PTPRD: variants seen among roughly 807,000 people sequenced by gnomAD.
The protein encoded by PTPRD is protein tyrosine phosphatase receptor type D, also known as receptor-type tyrosine-protein phosphatase delta.
A neutral mutation model predicts 214.5 loss-of-function variants in PTPRD; 34 were observed. The observed-to-expected ratio is 0.16, with a 90% CI of 0.12 to 0.21. The LOEUF is 0.21. PTPRD is among the 10% of genes least tolerant of loss of function. The pLI, the probability that PTPRD is intolerant of heterozygous loss-of-function variation, is 1.00. For synonymous variants in PTPRD, 1,128 were observed against 845.7 expected (o/e 1.33, Z -5.79); for missense variants, 2,545 against 2,398.7 (o/e 1.06, Z -1.27).
chr9:10,477,151 G>C (rs990213313), intron 2 of PTPRD, among the ~76,000 whole-genome samples: 4 of 152,074 alleles, frequency 2.6e-5, no homozygotes, highest in African/African-American at 7.2e-5. Context: ...TTAAACTAAA[G>C]AGCTTCTGCA....
intron 10 of PTPRD, among the ~76,000 whole-genome samples, chr9:9,067,185 G>A (rs1183901530): frequency 6.6e-6 from 1 of 152,170 alleles, no homozygotes. Context: ...AGCCTAGATA[G>A]CACCATTGCA....
At chr9:10,289,646 C>T (rs2095472574) in intron 3 of PTPRD, among the ~76,000 whole-genome samples, 1 of 152,116 alleles carries the variant, frequency 6.6e-6, no homozygotes, top group African/African-American at 2.4e-5. Flanking sequence ...CTTCTAATAT[C>T]GGAAGGTTCT....
At chr9:10,189,659 A>C (rs1202360214) in intron 3 of PTPRD, among the ~76,000 whole-genome samples, 2 of 152,194 alleles carry the variant, frequency 1.3e-5, no homozygotes, top group African/African-American at 2.4e-5. Context: ...AGAAAGCAGT[A>C]ATGAAGAAAG....
intron 2 of PTPRD, among the ~76,000 whole-genome samples, chr9:10,581,434 C>T (rs113880961): frequency 6.6e-6 from 1 of 152,234 alleles, no homozygotes; most frequent in Non-Finnish European, 1.5e-5. Flanking sequence ...CAATTTAAAC[C>T]TTCTCTTTCA....
At chr9:9,874,711 T>C (rs1386151799) in intron 5 of PTPRD, among the ~76,000 whole-genome samples, 1 of 152,180 alleles carries the variant, frequency 6.6e-6, no homozygotes, top group Non-Finnish European at 1.5e-5. Flanking sequence ...GATTTATTTA[T>C]TACTCAGCAC....
intron 3 of PTPRD, among the ~76,000 whole-genome samples, chr9:10,159,207 T>C (rs943088603): frequency 2.0e-5 from 3 of 151,502 alleles, no homozygotes; most frequent in African/African-American, 4.9e-5. Flanking sequence ...AAATAATAAA[T>C]GAATGAAAAT....
chr9:8,479,096 C>A (rs960739208), intron 30 of PTPRD, among the ~76,000 whole-genome samples: 1 of 152,206 alleles, frequency 6.6e-6, no homozygotes, highest in Non-Finnish European at 1.5e-5. Context: ...AAGCTACAAC[C>A]TTTCCTAATT....
At chr9:8,341,410 C>T in intron 40 of PTPRD, 142 bp from the exon 41 acceptor site, 1 of 910,574 alleles carries the variant, frequency 1.1e-6, no homozygotes, top group Non-Finnish European at 1.6e-6. Context: ...AATTGTACTG[C>T]TTTTCACATC....
At chr9:8,906,264 C>T (rs1354296447) in intron 11 of PTPRD, among the ~76,000 whole-genome samples, 2 of 152,144 alleles carry the variant, frequency 1.3e-5, no homozygotes, top group East Asian at 1.9e-4. Context: ...TAGCAAGGAG[C>T]TAAGCACTGT....
intron 3 of PTPRD, among the ~76,000 whole-genome samples, chr9:10,117,213 C>A (rs570430563): frequency 6.6e-6 from 1 of 152,030 alleles, no homozygotes; most frequent in Non-Finnish European, 1.5e-5. Flanking sequence ...ACTTTCAACA[C>A]GGCAAGAAAA....
intron 2 of PTPRD, among the ~76,000 whole-genome samples, chr9:10,527,921 T>C (rs2054823435): frequency 6.6e-6 from 1 of 152,136 alleles, no homozygotes; most frequent in African/African-American, 2.4e-5. Flanking sequence ...TTGATTATAG[T>C]TTTCTTGTTT....
chr9:10,279,387 T>C (rs1371416900), intron 3 of PTPRD, among the ~76,000 whole-genome samples: 3 of 152,192 alleles, frequency 2.0e-5, no homozygotes, highest in Admixed American at 1.3e-4. Context: ...CTTTAGGCCC[T>C]AGACCTGCTA....
intron 8 of PTPRD, among the ~76,000 whole-genome samples, chr9:9,535,216 C>G (rs562444289): frequency 1.3e-5 from 2 of 152,154 alleles, no homozygotes; most frequent in East Asian, 3.9e-4. Context: ...CAAACACATA[C>G]TGATTCATTT....
Position 10,017,879 on chromosome 9 carries a change from A to G in PTPRD, c.-472+15839T>C, listed in dbSNP as rs1036159020. Among the ~76,000 whole-genome samples the G allele has an allele frequency of 7.9e-5, 12 of 152,270 alleles. No individual in the cohort carries two copies. The South Asian group carries it at 1.5e-3, about 18-fold the overall frequency. ...AAAATTGTAACCAACACTCAAATGA[A>G]GATTAAAAACATTTGAATACCCTCA... is the stretch of plus-strand genomic sequence containing the variant. On this transcript the variant is annotated intron_variant, in intron 4 of 45. Coordinates refer to ENST00000381196, the MANE Select transcript of PTPRD (RefSeq NM_002839.4).
At chr9:8,539,728 A>G (rs772945723) in intron 14 of PTPRD, among the ~76,000 whole-genome samples, 1 of 152,064 alleles carries the variant, frequency 6.6e-6, no homozygotes, top group Non-Finnish European at 1.5e-5. Context: ...AAACAAGAAC[A>G]TTTTGTTAAA....
At chr9:8,715,845 A>T (rs1448119155) in intron 12 of PTPRD, among the ~76,000 whole-genome samples, 1 of 152,274 alleles carries the variant, frequency 6.6e-6, no homozygotes, top group East Asian at 1.9e-4. Context: ...GTTTAGCACC[A>T]AATGTTTAGC....
At chr9:10,364,477 C>A (rs1186686048) in intron 2 of PTPRD, among the ~76,000 whole-genome samples, 1 of 152,126 alleles carries the variant, frequency 6.6e-6, no homozygotes, top group Admixed American at 6.6e-5. Flanking sequence ...CACTTGTAAC[C>A]CATATATTTA....
At chr9:10,446,238 T>C (rs112776678) in intron 2 of PTPRD, among the ~76,000 whole-genome samples, 2,146 of 151,902 alleles carry the variant, frequency 0.014, 38 homozygotes, top group African/African-American at 0.046. Context: ...CTTAATAATA[T>C]GTTTTTAAAA....
chr9:9,804,539 T>A (rs1219910055), intron 5 of PTPRD, among the ~76,000 whole-genome samples: 3 of 152,150 alleles, frequency 2.0e-5, no homozygotes, highest in African/African-American at 7.2e-5. Context: ...TTTCCTTAAC[T>A]CTTTTGAGGA....
Sources: gnomAD v4.1 joint callset for allele counts (sites outside exome capture counted in the v4.1 genomes callset) on GRCh38, gnomAD v4.1.1 for gene constraint, MANE v1.5 for transcripts, NCBI Gene and HGNC (gene_info 2026-07-23, HGNC 2026-07-21) for gene names.